The following FMNL2 variants were observed in gnomAD, a reference collection of about 807,000 sequenced individuals.
The protein encoded by FMNL2 is formin like 2.
Under a neutral mutation model 130.2 loss-of-function variants are expected in FMNL2, and 51 were observed. The observed-to-expected ratio is 0.39, with a 90% CI of 0.31 to 0.49. The LOEUF (loss-of-function observed/expected upper bound fraction) is 0.49, where lower values mean the gene tolerates loss of function less well. Ranked by LOEUF, FMNL2 falls within the 20% of genes least tolerant of loss-of-function variation. The pLI is 0.85. For missense variants in FMNL2, 977 were observed against 1,316.2 expected (o/e 0.74, Z 3.99); for synonymous variants, 465 against 467.1 (o/e 1.00, Z 0.06).
At chr2:152,518,242 T>G (rs912385495) in intron 1 of FMNL2, among the ~76,000 whole-genome samples, 2 of 152,208 alleles carry the variant, frequency 1.3e-5, no homozygotes, top group African/African-American at 4.8e-5. Flanking sequence ...TAAATAGAAC[T>G]GCTTCCTCAT....
intron 1 of FMNL2, among the ~76,000 whole-genome samples, chr2:152,378,139 T>G (rs36039059): frequency 0.76 from 114,009 of 149,284 alleles, 43,822 homozygotes; most frequent in Admixed American, 0.85. Flanking sequence ...AAAGTTAAAA[T>G]ATAAATTCAG....
chr2:152,426,222 G>C (rs1260612503), intron 1 of FMNL2, among the ~76,000 whole-genome samples: 1 of 152,126 alleles, frequency 6.6e-6, no homozygotes, highest in Non-Finnish European at 1.5e-5. Context: ...ATTTATTTTT[G>C]TGTGTCTGTG....
At chr2:152,375,226 C>G (rs1001463851) in intron 1 of FMNL2, among the ~76,000 whole-genome samples, 2 of 152,176 alleles carry the variant, frequency 1.3e-5, no homozygotes, top group Non-Finnish European at 2.9e-5. Flanking sequence ...GAAGCAGTAT[C>G]CTCTCTGGAG....
intron 1 of FMNL2, among the ~76,000 whole-genome samples, chr2:152,402,114 G>C (rs1334784531): frequency 1.3e-5 from 2 of 152,124 alleles, no homozygotes; most frequent in East Asian, 3.9e-4. Flanking sequence ...ATGTTAGCCA[G>C]GATGGTCTCG....
intron 15 of FMNL2, among the ~76,000 whole-genome samples, chr2:152,624,745 G>A (rs564600900): frequency 6.6e-6 from 1 of 152,288 alleles, no homozygotes; most frequent in South Asian, 2.1e-4. Flanking sequence ...GCTGAGGTGG[G>A]AGGATTGCCC....
intron 1 of FMNL2, among the ~76,000 whole-genome samples, chr2:152,462,904 C>A (rs1182335769): frequency 6.6e-6 from 1 of 152,130 alleles, no homozygotes; most frequent in Non-Finnish European, 1.5e-5. Context: ...TAATAGAGCC[C>A]TTGTGCTTGG....
intron 1 of FMNL2, among the ~76,000 whole-genome samples, chr2:152,403,192 A>G (rs1470450010): frequency 1.3e-5 from 2 of 151,312 alleles, no homozygotes; most frequent in Middle Eastern, 3.4e-3. Context: ...TGGCGGAGGT[A>G]GCGTTTGCCA....
At chr2:152,461,769 G>A (rs968844578) in intron 1 of FMNL2, among the ~76,000 whole-genome samples, 11 of 152,086 alleles carry the variant, frequency 7.2e-5, no homozygotes, top group African/African-American at 2.7e-4. Context: ...TTCTTCTTTT[G>A]TATAGGATGG....
chr2:152,558,584 T>C (rs1424425780), intron 4 of FMNL2, among the ~76,000 whole-genome samples, 156 bp from the exon 5 acceptor site: 1 of 152,224 alleles, frequency 6.6e-6, no homozygotes, highest in Non-Finnish European at 1.5e-5. Context: ...TCTGAAAAGC[T>C]CCTGCCTCAT....
At chr2:152,445,888 C>T (rs1300143493) in intron 1 of FMNL2, among the ~76,000 whole-genome samples, 1 of 152,206 alleles carries the variant, frequency 6.6e-6, no homozygotes, top group Admixed American at 6.5e-5. Flanking sequence ...TACCTCCCCT[C>T]CTTTCCCATC....
intron 25 of FMNL2, among the ~76,000 whole-genome samples, chr2:152,642,147 A>T (rs942240829): frequency 6.6e-6 from 1 of 152,060 alleles, no homozygotes; most frequent in Non-Finnish European, 1.5e-5. Flanking sequence ...TCACCGTGTT[A>T]GCCAGGATGG....
intron 1 of FMNL2, among the ~76,000 whole-genome samples, chr2:152,461,344 G>A (rs1346205033): frequency 7.2e-6 from 1 of 137,998 alleles, no homozygotes. Flanking sequence ...AAGATTACTA[G>A]TGAGATATTT....
At chr2:152,640,670 A>G in intron 24 of FMNL2, 121 bp from the exon 25 acceptor site, 1 of 1,200,642 alleles carries the variant, frequency 8.3e-7, no homozygotes. Flanking sequence ...AGAATGTGGG[A>G]TGTGTGTGTG....
chr2:152,564,551 GTC>G (rs1695709368), intron 6 of FMNL2, among the ~76,000 whole-genome samples: 1 of 152,012 alleles, frequency 6.6e-6, no homozygotes, highest in East Asian at 1.9e-4. Flanking sequence ...GTGAAACTCT[GTC>G]TCTACTAAAA....
At chr2:152,400,225 G>T (rs1024729066) in intron 1 of FMNL2, among the ~76,000 whole-genome samples, 2 of 152,050 alleles carry the variant, frequency 1.3e-5, no homozygotes, top group Non-Finnish European at 2.9e-5. Flanking sequence ...TTGAGGTCGG[G>T]GTTTAAGACT....
At chr2:152,506,509 A>G (rs202239729) in intron 1 of FMNL2, among the ~76,000 whole-genome samples, 5 of 152,214 alleles carry the variant, frequency 3.3e-5, no homozygotes, top group Non-Finnish European at 5.9e-5. Flanking sequence ...AAGTCTGTAC[A>G]TGTTCAGTAC....
At chr2:152,336,799 G>A (rs758404298) in intron 1 of FMNL2, among the ~76,000 whole-genome samples, 5 of 152,150 alleles carry the variant, frequency 3.3e-5, no homozygotes, top group Admixed American at 6.6e-5. Context: ...TTTCCTAGTT[G>A]GTTACCTCTA....
At position 152,533,780 on chromosome 2, in the gene FMNL2, T is replaced by C. The variant is rs548656565; in HGVS notation, c.202-8959T>C. Among the ~76,000 whole-genome samples the C allele has an allele frequency of 1.2e-4, 18 of 152,280 alleles. No homozygotes were observed. In the South Asian group the frequency reaches 3.5e-3, roughly 30 times the overall value. On this transcript the variant is annotated intron_variant, in intron 2 of 25. Transcript: ENST00000288670. ...ATTGATTTAGGTGTTTTTAATATCT[T>C]GCAGGAATTTTTTGACATTTCTAGT...
intron 2 of FMNL2, among the ~76,000 whole-genome samples, chr2:152,526,526 G>A (rs950824805): frequency 2.0e-5 from 3 of 152,140 alleles, no homozygotes; most frequent in African/African-American, 7.2e-5. Flanking sequence ...ATAGCAGACA[G>A]CCATTTCTCC....
Sources: allele counts gnomAD v4.1 joint callset (sites outside exome capture counted in the v4.1 genomes callset), GRCh38; gene constraint gnomAD v4.1.1; transcripts MANE v1.5; gene names NCBI Gene and HGNC (gene_info 2026-07-23, HGNC 2026-07-21).